The following DENND4A variants were observed in gnomAD, a reference collection of about 807,000 sequenced individuals.
DENND4A encodes the protein DENN domain containing 4A.
In DENND4A, 70 loss-of-function variants were observed where a neutral mutation model predicts 199.3. The observed-to-expected ratio is 0.35, with a 90% CI of 0.29 to 0.43. DENND4A has a LOEUF of 0.43. Among genes scored for constraint, DENND4A ranks in the 20% least tolerant of loss-of-function variants. DENND4A has a pLI of 1.00. For synonymous variants in DENND4A, 686 were observed against 766.9 expected, an observed-to-expected ratio of 0.89 and a Z score of 1.74; for missense variants, 1,723 against 2,255.8, an observed-to-expected ratio of 0.76 and a Z score of 4.78.
chr15:65,774,744 A>G (rs2140913380), intron 1 of DENND4A, among the ~76,000 whole-genome samples: 1 of 152,114 alleles, frequency 6.6e-6, no homozygotes, highest in South Asian at 2.1e-4. Context: ...TAAAATTATA[A>G]AATTTCAGAA....
At chr15:65,758,913 A>G (rs2076782222) in intron 2 of DENND4A, among the ~76,000 whole-genome samples, 1 of 152,108 alleles carries the variant, frequency 6.6e-6, no homozygotes. Flanking sequence ...AATGAACCAC[A>G]TTTTCCCACT....
chr15:65,672,808 T>G (rs1445528918), intron 24 of DENND4A, among the ~76,000 whole-genome samples: 1 of 152,160 alleles, frequency 6.6e-6, no homozygotes, highest in African/African-American at 2.4e-5. Flanking sequence ...GTGATCTATG[T>G]TATACCTTCT....
intron 5 of DENND4A, among the ~76,000 whole-genome samples, chr15:65,741,281 T>C (rs1258576160): frequency 6.6e-6 from 1 of 152,172 alleles, no homozygotes; most frequent in African/African-American, 2.4e-5. Flanking sequence ...GTTTGGTATT[T>C]TGAGGTCTCT....
chr15:65,786,645 A>T (rs2077573287), intron 1 of DENND4A, among the ~76,000 whole-genome samples: 1 of 152,232 alleles, frequency 6.6e-6, no homozygotes, highest in Admixed American at 6.5e-5. Context: ...TATGAAGTGG[A>T]CACCTCTATC....
chr15:65,700,633 T>C lies in DENND4A; in HGVS notation c.2744A>G (p.Asp915Gly), dbSNP rs1021594695. 1.3e-6 allele frequency: 2 copies of C among 1,547,138 alleles called. No individual in the cohort carries two copies. Among genetic ancestry groups the C allele is most frequent in the Non-Finnish European group, 1.7e-6 (2 of 1,145,360 alleles). Residue 915 changes from aspartate (D) to glycine (G), a missense_variant, in exon 20 of 33, where the codon GAT (aspartate) becomes GGT (glycine). Asp to Gly is a moderately conservative substitution (Grantham distance 94). Around this residue, in one of 6 missense-constraint regions of DENND4A, gnomAD observed 650 missense variants for 738.1 expected, o/e 0.88. Transcript: ENST00000443035. ...DLDAVSHGSM[D>G]SGHGTHTVEQ... ...CACAGTGTGTGTCCCATGACCACTA[T>C]CCATGCTGCCATGACTAACAGCATC... is the stretch of plus-strand genomic sequence containing the variant.
chr15:65,702,797 G>C, intron 16 of DENND4A, 76 bp downstream of exon 16: 1 of 1,336,072 alleles, frequency 7.5e-7, no homozygotes, highest in South Asian at 1.3e-5. Context: ...AAGTGATAAA[G>C]CATATTACGG....
At chr15:65,665,552 T>C (rs2076007574) in intron 29 of DENND4A, 90 bp from the exon 30 acceptor site, 3 of 974,212 alleles carry the variant, frequency 3.1e-6, no homozygotes, top group East Asian at 5.4e-5. Flanking sequence ...TTTTTTAGGA[T>C]GTATATGTGC....
At chr15:65,735,153 G>A (rs1209574380) in intron 7 of DENND4A, among the ~76,000 whole-genome samples, 2 of 151,928 alleles carry the variant, frequency 1.3e-5, no homozygotes, top group South Asian at 2.1e-4. Flanking sequence ...CAAGGTGGGC[G>A]GATCACTTGA....
At chr15:65,734,506 C>G (rs1015971252) in intron 7 of DENND4A, among the ~76,000 whole-genome samples, 1 of 152,134 alleles carries the variant, frequency 6.6e-6, no homozygotes, top group African/African-American at 2.4e-5. Context: ...CGCTGGTTCC[C>G]CGGGTCCCCT....
intron 23 of DENND4A, among the ~76,000 whole-genome samples, chr15:65,689,232 C>T (rs1042118833): frequency 6.6e-6 from 1 of 152,104 alleles, no homozygotes; most frequent in African/African-American, 2.4e-5. Flanking sequence ...ATTTTTTAAA[C>T]CTTTTCCTTT....
At chr15:65,760,032 C>CA (rs1223169117) in intron 2 of DENND4A, among the ~76,000 whole-genome samples, 1 of 152,064 alleles carries the variant, frequency 6.6e-6, no homozygotes, top group Non-Finnish European at 1.5e-5. Context: ...ATTATTAGGT[C>CA]AAAGGTTATA....
At chr15:65,706,346 G>A (rs1337379268) in intron 14 of DENND4A, 122 bp from the exon 15 acceptor site, 6 of 1,000,154 alleles carry the variant, frequency 6.0e-6, no homozygotes, top group Non-Finnish European at 6.7e-6. Context: ...TAAAAAAGAA[G>A]AGTGAGCAAG....
intron 24 of DENND4A, among the ~76,000 whole-genome samples, chr15:65,676,090 T>C (rs2076365192): frequency 6.8e-6 from 1 of 147,946 alleles, no homozygotes; most frequent in Non-Finnish European, 1.5e-5. Context: ...GGTAGGAAAC[T>C]ATTGACAGTA....
intron 22 of DENND4A, among the ~76,000 whole-genome samples, chr15:65,695,448 C>T (rs892952409): frequency 3.9e-5 from 6 of 152,160 alleles, no homozygotes; most frequent in Non-Finnish European, 7.3e-5. Context: ...TAAAAACCAT[C>T]ATAGCTTGGT....
intron 5 of DENND4A, among the ~76,000 whole-genome samples, chr15:65,741,062 T>C (rs1395414820): frequency 6.6e-6 from 1 of 152,056 alleles, no homozygotes; most frequent in Non-Finnish European, 1.5e-5. Flanking sequence ...TTTTTAAAGA[T>C]GGGGTCTATG....
At chr15:65,676,337 T>A in intron 24 of DENND4A, 108 bp downstream of exon 24, 1 of 1,021,282 alleles carries the variant, frequency 9.8e-7, no homozygotes, top group South Asian at 2.6e-5. Context: ...ATACAAATTG[T>A]TTACAAAATT....
At chr15:65,683,221 A>C (rs1311299427) in intron 23 of DENND4A, among the ~76,000 whole-genome samples, 1 of 152,208 alleles carries the variant, frequency 6.6e-6, no homozygotes, top group Admixed American at 6.5e-5. Flanking sequence ...GGCTTTAAAA[A>C]TATTATTTAT....
At chr15:65,718,113 A>ATAACT (rs2075466142) in intron 12 of DENND4A, 117 bp from the exon 13 acceptor site, 1 of 737,320 alleles carries the variant, frequency 1.4e-6, no homozygotes, top group Non-Finnish European at 2.2e-6. Flanking sequence ...CTTTGTTTAC[A>ATAACT]TAACTTAATC....
chr15:65,788,415 G>A (rs936960614), intron 1 of DENND4A, among the ~76,000 whole-genome samples: 1 of 152,150 alleles, frequency 6.6e-6, no homozygotes, highest in Non-Finnish European at 1.5e-5. Context: ...ATTACAAGCT[G>A]TGTCTATTAT....
Sources: gnomAD v4.1 joint callset for allele counts (sites outside exome capture counted in the v4.1 genomes callset) on GRCh38, gnomAD v4.1.1 for gene constraint, gnomAD v4.1.1 regional missense constraint, MANE v1.5 for transcripts, NCBI Gene and HGNC (gene_info 2026-07-23, HGNC 2026-07-21) for gene names.